CEMIP: variants seen among roughly 807,000 people sequenced by gnomAD.
CEMIP encodes the protein cell migration-inducing and hyaluronan-binding protein.
In CEMIP, 105 loss-of-function variants were observed where a neutral mutation model predicts 156.9. The observed-to-expected ratio is 0.67, with a 90% CI of 0.57 to 0.79. The LOEUF (loss-of-function observed/expected upper bound fraction) is 0.79. Ranked by LOEUF, CEMIP falls within the 30% of genes least tolerant of loss-of-function variation. CEMIP has a pLI of 0.00. For synonymous variants in CEMIP, 676 were observed against 668.4 expected (o/e 1.01, Z -0.17); for missense variants, 1,457 against 1,769.4 (o/e 0.82, Z 3.17).
chr15:80,792,821 T>C (rs1896115431), intron 1 of CEMIP, among the ~76,000 whole-genome samples: 1 of 152,132 alleles, frequency 6.6e-6, no homozygotes, highest in Admixed American at 6.6e-5. Flanking sequence ...GTGGTGTCTG[T>C]CAAGCTCAAC....
At chr15:80,784,276 C>T (rs899674508) in intron 1 of CEMIP, among the ~76,000 whole-genome samples, 5 of 152,192 alleles carry the variant, frequency 3.3e-5, no homozygotes, top group Non-Finnish European at 7.3e-5. Context: ...TAGACATTTT[C>T]TGTTACGGAG....
intron 10 of CEMIP, among the ~76,000 whole-genome samples, chr15:80,892,924 C>T (rs760293473): frequency 2.6e-5 from 4 of 152,318 alleles, no homozygotes; most frequent in African/African-American, 4.8e-5. Context: ...TGGTGGCCCA[C>T]GCCGGTAATC....
chr15:80,792,738 G>A (rs1446751189), intron 1 of CEMIP, among the ~76,000 whole-genome samples: 1 of 152,158 alleles, frequency 6.6e-6, no homozygotes, highest in Non-Finnish European at 1.5e-5. Flanking sequence ...GCTGGTCCTA[G>A]AACAAGAATC....
In CEMIP at chr15:80,906,748, A is replaced by G; in HGVS notation, c.1497A>G (p.Ile499Met). ...TTGGGCTTCTGAGCCGGAACATCATAGTGATGGGGGAGATGGAGGACAAAT... is the reference window on the plus strand; with the variant it reads ...TTGGGCTTCTGAGCCGGAACATCATGGTGATGGGGGAGATGGAGGACAAAT... ...AEVGLLSRNI[I>M]VMGEMEDKCY... Residue 499 changes from isoleucine to methionine, a missense_variant, in exon 13 of 30, where the codon ATA (isoleucine) becomes ATG (methionine). Around this residue, in one of 5 missense-constraint regions of CEMIP, gnomAD observed 280 missense variants for 300.3 expected, o/e 0.93. Coordinates refer to ENST00000394685, the MANE Select transcript of CEMIP (RefSeq NM_001293298.2). This position sits in a 1 kb window ranked among gnomAD's most constrained non-coding sequence, Gnocchi z 4.3. 1 of 1,614,184 alleles carries G rather than the reference A, an allele frequency of 6.2e-7. No individual in the cohort carries two copies. Among genetic ancestry groups the G allele is most frequent in the Non-Finnish European group, 8.5e-7 (1 of 1,180,018 alleles).
At chr15:80,824,082 A>G (rs952076853) in intron 1 of CEMIP, among the ~76,000 whole-genome samples, 1 of 152,240 alleles carries the variant, frequency 6.6e-6, no homozygotes, top group African/African-American at 2.4e-5. Context: ...TCTTTTCTTT[A>G]GCCTGGGACA....
chr15:80,866,704 T>C (rs1158772305), intron 1 of CEMIP, among the ~76,000 whole-genome samples: 1 of 151,060 alleles, frequency 6.6e-6, no homozygotes, highest in Non-Finnish European at 1.5e-5. Flanking sequence ...GAGAATGGCA[T>C]GAACCCGGGA....
intron 1 of CEMIP, among the ~76,000 whole-genome samples, chr15:80,822,832 C>T (rs1047268947): frequency 6.6e-6 from 1 of 152,156 alleles, no homozygotes; most frequent in Non-Finnish European, 1.5e-5. Context: ...GGTTTATATG[C>T]CTTGATTGAC....
At chr15:80,810,639 G>A (rs1481147664) in intron 1 of CEMIP, among the ~76,000 whole-genome samples, 1 of 152,214 alleles carries the variant, frequency 6.6e-6, no homozygotes, top group Non-Finnish European at 1.5e-5. Flanking sequence ...ACAGGCGTGA[G>A]CCACCATGCC....
intron 29 of CEMIP, chr15:80,947,294 A>G: frequency 2.0e-6 from 1 of 511,168 alleles, no homozygotes; most frequent in Non-Finnish European, 3.5e-6. Context: ...GCCACCAGCC[A>G]CTGAAAGAAA....
At chr15:80,835,331 A>G (rs1362979601) in intron 1 of CEMIP, among the ~76,000 whole-genome samples, 2 of 152,218 alleles carry the variant, frequency 1.3e-5, no homozygotes, top group African/African-American at 2.4e-5. Flanking sequence ...ATGTAGTACC[A>G]TCGCTGAGTT....
rs111362071 is a variant in CEMIP, at chr15:80,890,674, C to A, written c.1086+1082C>A. On this transcript the variant is annotated intron_variant, in intron 10 of 29. Transcript: ENST00000394685. ...CTTCAGCCAATAAAAATAGCTACCC[C>A]ATTTGTACAACACTTTTTCCTAGAA... Among the ~76,000 whole-genome samples, 11 of 152,212 alleles carry A rather than the reference C, an allele frequency of 7.2e-5. No homozygotes were observed. The East Asian group carries it at 9.7e-4, about 13-fold the overall frequency.
In CEMIP at chr15:80,888,727, G is replaced by T. The variant is rs2141844300; in HGVS notation, c.895G>T (p.Val299Leu). Residue 299 changes from valine to leucine, a missense_variant, in exon 9 of 30, where the codon GTA becomes TTA. By Grantham distance (32) the Val-to-Leu change is conservative. Coordinates refer to ENST00000394685, the MANE Select transcript of CEMIP (RefSeq NM_001293298.2). ...HGHRGSAAAR[V>L]FKLFQTEHGE... ...ACATCGAGGCTCTGCTGCTGCCCGG[G>T]TATTCAAATTGTTCCAGACAGAGCA... is the stretch of plus-strand genomic sequence containing the variant. 1.2e-6 allele frequency: 2 copies of T among 1,614,100 alleles called. No homozygotes were observed. The highest frequency in any genetic ancestry group is 1.6e-4 in the Middle Eastern group (1 of 6,062).
At chr15:80,938,093 C>T (rs1027756988) in intron 25 of CEMIP, 114 bp downstream of exon 25, 12 of 832,244 alleles carry the variant, frequency 1.4e-5, no homozygotes, top group Non-Finnish European at 2.2e-5. Flanking sequence ...ATGTAAGACA[C>T]CTTTCTAGGC....
At chr15:80,812,214 C>G (rs1487514722) in intron 1 of CEMIP, among the ~76,000 whole-genome samples, 1 of 152,168 alleles carries the variant, frequency 6.6e-6, no homozygotes, top group East Asian at 1.9e-4. Context: ...TTGTAGCCAG[C>G]TTTGGCAAAC....
At chr15:80,901,760 A>G (rs1221238937) in intron 12 of CEMIP, among the ~76,000 whole-genome samples, 1 of 152,010 alleles carries the variant, frequency 6.6e-6, no homozygotes, top group African/African-American at 2.4e-5. Flanking sequence ...TGTGTCCAGT[A>G]GCCACCGGTG....
intron 21 of CEMIP, among the ~76,000 whole-genome samples, chr15:80,929,986 C>T (rs919591656): frequency 7.9e-5 from 12 of 152,168 alleles, no homozygotes; most frequent in African/African-American, 2.2e-4. Flanking sequence ...CTTTCTTCTG[C>T]TGGTGTTTCT....
At chr15:80,790,639 A>G (rs1006066290) in intron 1 of CEMIP, among the ~76,000 whole-genome samples, 1 of 152,230 alleles carries the variant, frequency 6.6e-6, no homozygotes, top group African/African-American at 2.4e-5. Context: ...CCGTGAGTCC[A>G]AAAGCTCTTC....
intron 1 of CEMIP, among the ~76,000 whole-genome samples, chr15:80,790,891 A>G (rs1450176431): frequency 1.3e-5 from 2 of 152,228 alleles, no homozygotes; most frequent in Admixed American, 6.5e-5. Flanking sequence ...GGAGACAGAC[A>G]TACATTCAAC....
At chr15:80,831,769 G>T (rs1897162759) in intron 1 of CEMIP, among the ~76,000 whole-genome samples, 2 of 152,202 alleles carry the variant, frequency 1.3e-5, no homozygotes, top group Non-Finnish European at 2.9e-5. Flanking sequence ...GTGAAGGTCA[G>T]GTGTCCTCAA....
Sources: gnomAD v4.1 joint callset for allele counts (sites outside exome capture counted in the v4.1 genomes callset) on GRCh38, gnomAD v4.1.1 for gene constraint, gnomAD v4.1.1 regional missense constraint, Gnocchi (gnomAD v3.1) non-coding constraint, MANE v1.5 for transcripts, NCBI Gene and HGNC (gene_info 2026-07-23, HGNC 2026-07-21) for gene names.